ETV6: variants seen among roughly 807,000 people sequenced by gnomAD.
ETV6 encodes transcription factor ETV6.
ETV6 carries 16 observed loss-of-function variants against 51.1 expected under a neutral mutation model. The observed-to-expected ratio is 0.31, with a 90% CI of 0.21 to 0.48. The LOEUF (loss-of-function observed/expected upper bound fraction) is 0.48. Ranked by LOEUF, ETV6 falls within the 20% of genes least tolerant of loss-of-function variation. The pLI, the probability that ETV6 is intolerant of heterozygous loss-of-function variation, is 0.99. For synonymous variants in ETV6, 240 were observed against 224.1 expected (o/e 1.07, Z -0.64); for missense variants, 458 against 594.8 (o/e 0.77, Z 2.39).
At chr12:11,664,730 C>T (rs138994192) in intron 1 of ETV6, among the ~76,000 whole-genome samples, 5 of 152,294 alleles carry the variant, frequency 3.3e-5, no homozygotes, top group East Asian at 1.9e-4. Flanking sequence ...TTCCAGCCTG[C>T]CAGGCAGTCT....
chr12:11,749,148 C>T (rs937539732), intron 1 of ETV6, among the ~76,000 whole-genome samples: 1 of 152,154 alleles, frequency 6.6e-6, no homozygotes, highest in African/African-American at 2.4e-5. Context: ...CACATCACGG[C>T]ATTCTGAGTC....
In ETV6 at chr12:11,869,240, A is replaced by AG. The variant is rs1190891890; in HGVS notation, c.464-183dup. Reference sequence around the variant, plus strand: ...AACAGAGTGAGACTCCATCTCAAACAGAAAAAAAAAAAAAATATGCACCCT... The same window carrying AG: ...AACAGAGTGAGACTCCATCTCAAACAGGAAAAAAAAAAAAAATATGCACCCT... On this transcript the variant is annotated intron_variant, in intron 4 of 7. Coordinates refer to ENST00000396373, the MANE Select transcript of ETV6 (RefSeq NM_001987.5). This position sits in a 1 kb window ranked among gnomAD's most constrained non-coding sequence, Gnocchi z 5.0. Among the ~76,000 whole-genome samples the AG allele has an allele frequency of 5.9e-5, 6 of 101,280 alleles. No homozygotes were observed. Among genetic ancestry groups the AG allele is most frequent in the Non-Finnish European group, 1.2e-4 (5 of 41,668 alleles). 66.4% of individuals were successfully genotyped at this position (101,280 alleles called of 152,430 possible).
intron 2 of ETV6, among the ~76,000 whole-genome samples, chr12:11,808,513 T>G (rs1028812902): frequency 3.3e-5 from 5 of 151,996 alleles, no homozygotes. Flanking sequence ...TAACAACTAT[T>G]TAGATAGCAT....
At chr12:11,677,791 G>A (rs770719783) in intron 1 of ETV6, among the ~76,000 whole-genome samples, 3 of 152,192 alleles carry the variant, frequency 2.0e-5, no homozygotes, top group African/African-American at 7.2e-5. Flanking sequence ...GAGGATAGTA[G>A]CACCTACTTT....
intron 2 of ETV6, among the ~76,000 whole-genome samples, chr12:11,776,830 C>T (rs960310583): frequency 7.2e-5 from 11 of 152,212 alleles, no homozygotes; most frequent in African/African-American, 1.7e-4. Flanking sequence ...GAACACTCTC[C>T]GATGCTGACA....
At chr12:11,787,573 T>C (rs1398585525) in intron 2 of ETV6, among the ~76,000 whole-genome samples, 1 of 152,188 alleles carries the variant, frequency 6.6e-6, no homozygotes, top group Non-Finnish European at 1.5e-5. Flanking sequence ...AAGAGATTTC[T>C]GGGTGTGAAA....
At chr12:11,823,033 A>G (rs1420049229) in intron 2 of ETV6, among the ~76,000 whole-genome samples, 1 of 152,156 alleles carries the variant, frequency 6.6e-6, no homozygotes, top group East Asian at 1.9e-4. Context: ...TTCCAAATAG[A>G]CAAGACTCCA....
intron 2 of ETV6, among the ~76,000 whole-genome samples, chr12:11,772,681 G>A (rs1945259393): frequency 6.6e-6 from 1 of 152,226 alleles, no homozygotes; most frequent in Non-Finnish European, 1.5e-5. Context: ...CCACCACCAA[G>A]TCAGAGCGTC....
chr12:11,679,447 T>G (rs1367906338), intron 1 of ETV6, among the ~76,000 whole-genome samples: 1 of 152,240 alleles, frequency 6.6e-6, no homozygotes, highest in Non-Finnish European at 1.5e-5. Flanking sequence ...CCATTTCTTC[T>G]TCGGTAAAGC....
At chr12:11,763,262 C>T (rs750727915) in intron 2 of ETV6, among the ~76,000 whole-genome samples, 2 of 152,246 alleles carry the variant, frequency 1.3e-5, no homozygotes, top group East Asian at 1.9e-4. Flanking sequence ...ACGCAGTTCT[C>T]GTTCCCCTAT....
chr12:11,882,424 C>T (rs553222723), intron 5 of ETV6, among the ~76,000 whole-genome samples: 48 of 152,280 alleles, frequency 3.2e-4, no homozygotes, highest in African/African-American at 1.1e-3. Flanking sequence ...GGGTCATGCA[C>T]AGCCAAGAAT....
chr12:11,788,756 G>GTTTTTTTTTTT, intron 2 of ETV6, among the ~76,000 whole-genome samples: 1 of 102,488 alleles, frequency 9.8e-6, no homozygotes, highest in South Asian at 3.8e-4. Context: ...GCTTGTATTG[G>GTTTTTTTTTTT]TTTTTTTTTT....
chr12:11,758,877 C>A (rs1355915900), intron 2 of ETV6, among the ~76,000 whole-genome samples: 3 of 152,202 alleles, frequency 2.0e-5, no homozygotes, highest in African/African-American at 7.2e-5. Context: ...ACTTTGTTCC[C>A]CCTTAAGCCT....
intron 2 of ETV6, 33 bp from the exon 3 acceptor site, chr12:11,839,107 C>CTCTT (rs760579235): frequency 6.3e-7 from 1 of 1,597,678 alleles, no homozygotes; most frequent in Non-Finnish European, 8.5e-7. Context: ...AGACCTTTCT[C>CTCTT]TCTTTCTTTC....
intron 4 of ETV6, among the ~76,000 whole-genome samples, chr12:11,856,774 G>T (rs1459859985): frequency 5.3e-5 from 8 of 152,082 alleles, no homozygotes; most frequent in Admixed American, 5.2e-4. Context: ...GATAACAGAT[G>T]ATTGATGTGG....
At chr12:11,693,170 C>T (rs1864799655) in intron 1 of ETV6, among the ~76,000 whole-genome samples, 1 of 152,098 alleles carries the variant, frequency 6.6e-6, no homozygotes, top group Non-Finnish European at 1.5e-5. Context: ...GACAGTGTTG[C>T]ATCTGTCAGA....
chr12:11,669,231 C>G (rs991343175), intron 1 of ETV6, among the ~76,000 whole-genome samples: 7 of 152,136 alleles, frequency 4.6e-5, no homozygotes, highest in Non-Finnish European at 7.4e-5. Flanking sequence ...GCGCAGTTGC[C>G]AATCTCAAGC....
Position 11,885,909 on chromosome 12 carries a change from C to A in ETV6, c.1153-17C>A. On this transcript the variant is annotated splice_polypyrimidine_tract_variant and intron_variant, in intron 6 of 7. Transcript: ENST00000396373. ...GTCTTTGTGCTTTTTTTCTCCCTTC[C>A]TCCTTTGAACAAACAGAACAGAACA... 6.3e-7 allele frequency: 1 copy of A among 1,588,716 alleles called. No individual in the cohort carries two copies. Among genetic ancestry groups the A allele is most frequent in the Non-Finnish European group, 8.6e-7 (1 of 1,160,482 alleles).
At chr12:11,861,656 C>T (rs1946719940) in intron 4 of ETV6, among the ~76,000 whole-genome samples, 1 of 152,120 alleles carries the variant, frequency 6.6e-6, no homozygotes. Context: ...AGGAAGTCTC[C>T]AAGAGACTTC....
Sources: gnomAD v4.1 joint callset for allele counts (sites outside exome capture counted in the v4.1 genomes callset) on GRCh38, gnomAD v4.1.1 for gene constraint, Gnocchi (gnomAD v3.1) non-coding constraint, MANE v1.5 for transcripts, NCBI Gene and HGNC (gene_info 2026-07-23, HGNC 2026-07-21) for gene names.